Variants in ABCC8 observed in about 807,000 individuals in gnomAD.
The protein encoded by ABCC8 is ATP binding cassette subfamily C member 8.
ABCC8 carries 137 observed loss-of-function variants against 188.0 expected under a neutral mutation model. The ratio of observed to expected loss-of-function variants is 0.73; its 90% CI spans 0.63 to 0.84. The LOEUF is 0.84. Among genes scored for constraint, ABCC8 ranks in the 40% least tolerant of loss-of-function variants. The pLI, the probability that ABCC8 is intolerant of heterozygous loss-of-function variation, is 0.00. For synonymous variants in ABCC8, 797 were observed against 846.5 expected (o/e 0.94, Z 1.01); for missense variants, 1,750 against 2,072.7 (o/e 0.84, Z 3.02).
At chr11:17,443,526 G>A in intron 8 of ABCC8, 1 of 639,888 alleles carries the variant, frequency 1.6e-6, no homozygotes, top group East Asian at 3.1e-5. Flanking sequence ...CAAGCAGAGG[G>A]TTGCTGGGCT....
At position 17,435,682 on chromosome 11, in the gene ABCC8, G is replaced by T; in HGVS notation, c.1631-3438C>A. The T allele has an allele frequency of 2.2e-6, 3 of 1,394,644 alleles. No homozygotes were observed. The South Asian group carries it at 3.5e-5, about 16-fold the overall frequency. The allele number at this position is 1,394,644 out of a possible 1,614,324, so 86.4% of individuals were successfully genotyped here. A position where few individuals can be genotyped will look rare whatever the true frequency, so the allele number is the denominator to read the frequency against. On this transcript the variant is annotated intron_variant, in intron 10 of 38. Coordinates refer to ENST00000389817, the MANE Select transcript of ABCC8 (RefSeq NM_000352.6). ...GGGAACCTCTGTTCTTCACATGGCT[G>T]CCAGCCCTACAGAGGACAGTACAGT...
intron 6 of ABCC8, among the ~76,000 whole-genome samples, chr11:17,456,720 C>G (rs1308616066): frequency 6.6e-6 from 1 of 152,198 alleles, no homozygotes; most frequent in Non-Finnish European, 1.5e-5. Context: ...GTAAGTTCCT[C>G]AACCTCTCTT....
At chr11:17,476,449 G>A (rs1354223613) in intron 1 of ABCC8, among the ~76,000 whole-genome samples, 180 bp downstream of exon 1, 1 of 152,218 alleles carries the variant, frequency 6.6e-6, no homozygotes, top group African/African-American at 2.4e-5. Flanking sequence ...GGGGAGTGAA[G>A]GGATGAGCTG....
chr11:17,445,472 C>T (rs1213491332), intron 8 of ABCC8, among the ~76,000 whole-genome samples: 2 of 152,186 alleles, frequency 1.3e-5, no homozygotes, highest in Non-Finnish European at 2.9e-5. Flanking sequence ...GGTTATATCT[C>T]AATAAAGCTG....
rs1225273745 is a variant in ABCC8 at position 17,461,652 on chromosome 11, C to T, written c.753G>A (p.Gly251=). 6.2e-7 allele frequency: 1 copy of T among 1,614,228 alleles called. No homozygotes were observed. The highest frequency in any genetic ancestry group is 8.5e-7 in the Non-Finnish European group (1 of 1,180,042). Residue 251 remains glycine, a synonymous_variant, in exon 5 of 39, where the codon GGG becomes GGA. Coordinates refer to ENST00000389817, the MANE Select transcript of ABCC8 (RefSeq NM_000352.6). ...GGGCCCTCATGGCGATGGGCAGCTT[C>T]CCGATGGCTCGCAAGTCGATGGGCT... ...HKKPIDLRAI[G]KLPIAMRALT... is the part of the protein sequence containing the mutation.
In ABCC8 at chr11:17,402,723, C is replaced by G; in HGVS notation, c.3588G>C (p.Gln1196His). 1 of 1,614,208 alleles carries G rather than the reference C, an allele frequency of 6.2e-7. No homozygotes were observed. The highest frequency in any genetic ancestry group is 8.5e-7 in the Non-Finnish European group (1 of 1,180,040). Residue 1196 changes from glutamine (Q) to histidine (H), a missense_variant, in exon 29 of 39, where the codon CAG becomes CAC. By Grantham distance (24) the Gln-to-His change is conservative. Coordinates refer to ENST00000389817, the MANE Select transcript of ABCC8 (RefSeq NM_000352.6). ...CGGCAAAGTGTGAGAGAAGTGGAAG[C>G]TGGGTGGTGTCATCCAGCTGCTGCA... ...RDLQQLDDTT[Q>H]LPLLSHFAET... is the part of the protein sequence containing the mutation.
intron 17 of ABCC8, among the ~76,000 whole-genome samples, chr11:17,416,249 GA>G (rs1955067752): frequency 6.6e-6 from 1 of 152,144 alleles, no homozygotes; most frequent in African/African-American, 2.4e-5. Context: ...GTTTTTTGGA[GA>G]GGTAAGGGGA....
rs760617059 is a variant in ABCC8 at position 17,476,678 on chromosome 11, C to G, written c.99G>C (p.Val33=). 2 of 1,612,294 alleles carry G rather than the reference C, an allele frequency of 1.2e-6. No homozygotes were observed. Among genetic ancestry groups the G allele is most frequent in the Non-Finnish European group, 1.7e-6 (2 of 1,179,384 alleles). ...TGAAGAGTAGGAAGACGTGCGGCACCACGTTGAGCGCGTCCACAAAGCAGC... is the reference window on the plus strand; with the variant it reads ...TGAAGAGTAGGAAGACGTGCGGCACGACGTTGAGCGCGTCCACAAAGCAGC... ...NNGCFVDALN[V]VPHVFLLFIT... is the part of the protein sequence containing the mutation. Residue 33 remains valine, a synonymous_variant, in exon 1 of 39, where the codon GTG becomes GTC. Transcript: ENST00000389817.
intron 37 of ABCC8, 85 bp from the exon 38 acceptor site, chr11:17,393,844 G>A: frequency 6.2e-7 from 1 of 1,613,436 alleles, no homozygotes; most frequent in South Asian, 1.1e-5. Flanking sequence ...GCCCAGGTCT[G>A]TGGCTCAGCT....
At chr11:17,451,132 A>G (rs1167760295) in intron 7 of ABCC8, among the ~76,000 whole-genome samples, 1 of 152,242 alleles carries the variant, frequency 6.6e-6, no homozygotes, top group Non-Finnish European at 1.5e-5. Flanking sequence ...CTCTTTTGGC[A>G]TAATTGGAAA....
intron 28 of ABCC8, 102 bp from the exon 29 acceptor site, chr11:17,402,855 C>T: frequency 7.0e-7 from 1 of 1,431,196 alleles, no homozygotes; most frequent in Non-Finnish European, 9.8e-7. Flanking sequence ...GGTGAATGGC[C>T]TTACCTCTCT....
chr11:17,437,920 G>T (rs368767318), intron 10 of ABCC8, among the ~76,000 whole-genome samples: 2 of 152,188 alleles, frequency 1.3e-5, no homozygotes, highest in African/African-American at 2.4e-5. Context: ...CCAACATGGC[G>T]AAACCCTGTC....
chr11:17,416,513 T>C (rs1955081228), intron 17 of ABCC8, among the ~76,000 whole-genome samples: 1 of 152,150 alleles, frequency 6.6e-6, no homozygotes, highest in African/African-American at 2.4e-5. Context: ...AAACTAAAAG[T>C]ACGTTCACCA....
intron 21 of ABCC8, among the ~76,000 whole-genome samples, 194 bp downstream of exon 21, chr11:17,412,472 A>G (rs1265788637): frequency 9.1e-6 from 1 of 110,150 alleles, no homozygotes; most frequent in Non-Finnish European, 2.4e-5. Flanking sequence ...GAAGTCTGCA[A>G]TGGGTCATTT....
rs183963609 is a variant in ABCC8, at chr11:17,412,365, C to T, written c.2556+301G>A. On this transcript the variant is annotated intron_variant, in intron 21 of 38. Coordinates refer to ENST00000389817, the MANE Select transcript of ABCC8 (RefSeq NM_000352.6). ...TTCTGTTATCAGCCATTCTTATAGT[C>T]GGGCTGCATAAGTGTTGAGGGGTTG... 1.9e-3 allele frequency among the ~76,000 whole-genome samples: 282 copies of T among 152,324 alleles called. 1 individual carries two copies. Among genetic ancestry groups the T allele is most frequent in the African/African-American group, 6.4e-3 (268 of 41,580 alleles).
chr11:17,396,771 C>A lies in ABCC8; in HGVS notation c.4119+145G>T, dbSNP rs1953950498. ...GAGGAAAGATGGGCCCCCACAGGCC[C>A]AGGGCAGGAGACTGCGATGTCTGAA... On this transcript the variant is annotated intron_variant, in intron 33 of 38. Coordinates refer to ENST00000389817, the MANE Select transcript of ABCC8 (RefSeq NM_000352.6). 4 of 1,053,006 alleles carry A rather than the reference C, an allele frequency of 3.8e-6. No individual in the cohort carries two copies. In the South Asian group the frequency reaches 4.5e-5, roughly 12 times the overall value. The allele number at this position is 1,053,006 out of a possible 1,614,324, so 65.2% of individuals were successfully genotyped here.
chr11:17,407,058 G>T lies in ABCC8; in HGVS notation c.2992C>A (p.Arg998=). 1.2e-6 allele frequency: 2 copies of T among 1,614,066 alleles called. No individual in the cohort carries two copies. Among genetic ancestry groups the T allele is most frequent in the Non-Finnish European group, 1.7e-6 (2 of 1,180,034 alleles). The part of the protein sequence containing the change: ...MLHQRAEIPW[R]ACAKYLSSAG... ...GAGGACAGGTACTTGGCGCAGGCTCGCCATGGGATCTCAGCACGCTGGTGC... is the reference window on the plus strand; with the variant it reads ...GAGGACAGGTACTTGGCGCAGGCTCTCCATGGGATCTCAGCACGCTGGTGC... The change falls in exon 25 of 39, where the codon CGA becomes AGA. Residue 998 remains arginine (R), a synonymous_variant. Coordinates refer to ENST00000389817, the MANE Select transcript of ABCC8 (RefSeq NM_000352.6).
In ABCC8 at chr11:17,414,594, C is replaced by T. The variant is rs1954974049; in HGVS notation, c.2308G>A (p.Ala770Thr). The change falls in exon 19 of 39, where the codon GCC becomes ACC. Residue 770 changes from alanine (A) to threonine (T), a missense_variant. Coordinates refer to ENST00000389817, the MANE Select transcript of ABCC8 (RefSeq NM_000352.6). Reference protein sequence around the residue: ...DLDIRKRGPVAYASQKPWLLN... With the variant: ...DLDIRKRGPVTYASQKPWLLN... Reference sequence around the variant, plus strand: ...AGCCATGGTTTCTGCGAAGCATAGGCCACGGGGCCTCTCTTCCTGGAAAAA... The same window carrying T: ...AGCCATGGTTTCTGCGAAGCATAGGTCACGGGGCCTCTCTTCCTGGAAAAA... 3 of 1,614,104 alleles carry T rather than the reference C, an allele frequency of 1.9e-6. No individual in the cohort carries two copies. The highest frequency in any genetic ancestry group is 1.7e-5 in the Admixed American group (1 of 60,016).
chr11:17,410,481 G>T, intron 22 of ABCC8, 35 bp downstream of exon 22: 1 of 1,610,364 alleles, frequency 6.2e-7, no homozygotes, highest in South Asian at 1.1e-5. Flanking sequence ...CCCCAGCCCT[G>T]CCCCCTATAG....
Sources: allele counts gnomAD v4.1 joint callset (sites outside exome capture counted in the v4.1 genomes callset), GRCh38; gene constraint gnomAD v4.1.1; transcripts MANE v1.5; gene names NCBI Gene and HGNC (gene_info 2026-07-23, HGNC 2026-07-21).